The following MIB1 variants were observed in gnomAD, a reference collection of about 807,000 sequenced individuals.
The protein encoded by MIB1 is E3 ubiquitin-protein ligase MIB1.
A neutral mutation model predicts 124.5 loss-of-function variants in MIB1; 278 were observed. The observed-to-expected ratio is 2.23, with a 90% CI of 2.02 to 2.47. The LOEUF (loss-of-function observed/expected upper bound fraction) is 2.47, where lower values mean the gene tolerates loss of function less well. MIB1 is among the 30% of genes most tolerant of loss of function. The pLI, the probability that MIB1 is intolerant of heterozygous loss-of-function variation, is 0.00. For synonymous variants in MIB1, 446 were observed against 429.4 expected, an observed-to-expected ratio of 1.04 and a Z score of -0.48; for missense variants, 957 against 1,254.4, an observed-to-expected ratio of 0.76 and a Z score of 3.58.
At chr18:21,714,709 C>A (rs572628720) in intron 1 of MIB1, among the ~76,000 whole-genome samples, 8 of 152,266 alleles carry the variant, frequency 5.3e-5, no homozygotes, top group African/African-American at 1.9e-4. Flanking sequence ...ACAACATGCA[C>A]TCTAGGGAAA....
chr18:21,708,316 C>T (rs2040649631), intron 1 of MIB1, among the ~76,000 whole-genome samples: 1 of 152,142 alleles, frequency 6.6e-6, no homozygotes, highest in African/African-American at 2.4e-5. Flanking sequence ...GGAGGTTGTC[C>T]AAGTTTATTT....
At chr18:21,744,967 A>G (rs926257690) in intron 1 of MIB1, among the ~76,000 whole-genome samples, 2 of 152,236 alleles carry the variant, frequency 1.3e-5, no homozygotes, top group African/African-American at 4.8e-5. Flanking sequence ...GTTGAAGAAT[A>G]ACACTTTAAA....
At chr18:21,835,801 C>CTCCACACACA (rs1555695315) in intron 12 of MIB1, among the ~76,000 whole-genome samples, 14 of 101,586 alleles carry the variant, frequency 1.4e-4, no homozygotes, top group Non-Finnish European at 1.8e-4. Flanking sequence ...ATATATATAT[C>CTCCACACACA]CACACACACA....
intron 4 of MIB1, among the ~76,000 whole-genome samples, chr18:21,777,171 C>A (rs1009089520): frequency 3.3e-5 from 5 of 152,068 alleles, no homozygotes; most frequent in African/African-American, 4.8e-5. Flanking sequence ...GTAATCCCAG[C>A]ACTTTGGGAG....
At chr18:21,825,292 A>G (rs1468937372) in intron 12 of MIB1, among the ~76,000 whole-genome samples, 1 of 152,178 alleles carries the variant, frequency 6.6e-6, no homozygotes, top group Non-Finnish European at 1.5e-5. Flanking sequence ...TTTAATTTAA[A>G]TATGCACACA....
chr18:21,829,352 G>A (rs927873461), intron 12 of MIB1: 2 of 276,222 alleles, frequency 7.2e-6, no homozygotes, highest in South Asian at 3.4e-5. Flanking sequence ...CAAAGAATCA[G>A]TGTAGTGTTA....
chr18:21,759,485 C>G (rs916263308), intron 1 of MIB1, among the ~76,000 whole-genome samples: 8 of 152,074 alleles, frequency 5.3e-5, no homozygotes, highest in African/African-American at 1.9e-4. Flanking sequence ...TCTTGATCCG[C>G]CTGCCTCGGC....
At position 21,771,092 on chromosome 18, in the gene MIB1, G is replaced by A. The variant is rs529089840; in HGVS notation, c.531+2340G>A. Among the ~76,000 whole-genome samples the A allele has an allele frequency of 1.2e-4, 19 of 152,250 alleles. No homozygotes were observed. In the South Asian group the frequency reaches 2.3e-3, roughly 18 times the overall value. On this transcript the variant is annotated intron_variant, in intron 3 of 20. Coordinates refer to ENST00000261537, the MANE Select transcript of MIB1 (RefSeq NM_020774.4). ...TGCTATTAGTGATGTTAAGATTGAT[G>A]AACAGGTGCAAATTTTGTCAGATGT...
At chr18:21,779,329 C>T in intron 5 of MIB1, 152 bp from the exon 6 acceptor site, 2 of 620,404 alleles carry the variant, frequency 3.2e-6, no homozygotes, top group South Asian at 2.3e-5. Flanking sequence ...CTTTCTAGTT[C>T]TAAAATTTTA....
chr18:21,838,524 CTTT>C, intron 13 of MIB1, 27 bp downstream of exon 13: 1 of 1,536,272 alleles, frequency 6.5e-7, no homozygotes, highest in South Asian at 1.3e-5. Flanking sequence ...ATAATTCCCT[CTTT>C]TTTATTTTTT....
At chr18:21,780,214 G>A (rs1175600210) in intron 6 of MIB1, among the ~76,000 whole-genome samples, 1 of 152,176 alleles carries the variant, frequency 6.6e-6, no homozygotes, top group Non-Finnish European at 1.5e-5. Flanking sequence ...GCAACCATCA[G>A]TATTAACATC....
intron 1 of MIB1, among the ~76,000 whole-genome samples, chr18:21,753,291 C>T (rs549559857): frequency 2.0e-5 from 3 of 152,072 alleles, no homozygotes; most frequent in East Asian, 1.9e-4. Flanking sequence ...CAGGTTCAAG[C>T]GATTCTCCTG....
intron 7 of MIB1, among the ~76,000 whole-genome samples, chr18:21,792,089 C>T (rs1215647082): frequency 6.6e-6 from 1 of 152,178 alleles, no homozygotes; most frequent in East Asian, 1.9e-4. Flanking sequence ...CTTCCCTTTC[C>T]CTGTCTGTAT....
chr18:21,795,678 A>C (rs1021372854), intron 7 of MIB1, among the ~76,000 whole-genome samples: 46 of 152,210 alleles, frequency 3.0e-4, no homozygotes, highest in Middle Eastern at 3.4e-3. Context: ...AAATGAAACT[A>C]AGTGTGTTTC....
At chr18:21,717,927 A>G (rs1035022589) in intron 1 of MIB1, among the ~76,000 whole-genome samples, 9 of 152,228 alleles carry the variant, frequency 5.9e-5, no homozygotes, top group Non-Finnish European at 1.2e-4. Flanking sequence ...ATTATACGAA[A>G]AAGATACTTG....
chr18:21,719,136 C>T (rs1218310453), intron 1 of MIB1, among the ~76,000 whole-genome samples: 1 of 149,716 alleles, frequency 6.7e-6, no homozygotes. Flanking sequence ...TGCAGTGAGC[C>T]AAGATCATGC....
chr18:21,831,105 C>CAAAAAAA (rs199659946), intron 12 of MIB1: 2 of 60,898 alleles, frequency 3.3e-5, no homozygotes, highest in East Asian at 3.9e-4. Flanking sequence ...CTAAAAAAGA[C>CAAAAAAA]AAAAAAAAAA....
intron 15 of MIB1, among the ~76,000 whole-genome samples, 200 bp downstream of exon 15, chr18:21,844,453 T>C (rs1453754685): frequency 6.6e-6 from 1 of 152,178 alleles, no homozygotes; most frequent in Non-Finnish European, 1.5e-5. Flanking sequence ...AGTTCTGTTG[T>C]TGTTGTTGTT....
intron 6 of MIB1, among the ~76,000 whole-genome samples, chr18:21,782,753 T>C (rs2041385109): frequency 6.6e-6 from 1 of 152,192 alleles, no homozygotes; most frequent in African/African-American, 2.4e-5. Context: ...GGCAGTTGGA[T>C]GAAGTATTCT....
Sources: allele counts gnomAD v4.1 joint callset (sites outside exome capture counted in the v4.1 genomes callset), GRCh38; gene constraint gnomAD v4.1.1; transcripts MANE v1.5; gene names NCBI Gene and HGNC (gene_info 2026-07-23, HGNC 2026-07-21).